VDAC1: variants seen among roughly 807,000 people sequenced by gnomAD.
VDAC1 encodes the protein voltage dependent anion channel 1.
In VDAC1, 10 loss-of-function variants were observed where a neutral mutation model predicts 34.7. The ratio of observed to expected loss-of-function variants is 0.29; its 90% CI spans 0.18 to 0.49. The LOEUF (loss-of-function observed/expected upper bound fraction) is 0.49. VDAC1 is among the 20% of genes least tolerant of loss of function. The pLI, the probability that VDAC1 is intolerant of heterozygous loss-of-function variation, is 0.99. For missense variants in VDAC1, 230 were observed against 347.9 expected (o/e 0.66, Z 2.69); for synonymous variants, 130 against 136.0 (o/e 0.96, Z 0.30).
At chr5:134,109,688 T>C in the VDAC1 span, among the ~76,000 whole-genome samples, 169 of 151,180 alleles carry the variant, frequency 1.1e-3, no homozygotes, top group African/African-American at 4.0e-3. Flanking sequence ...GAGAATTGCT[T>C]GAACCTGGGA....
intron 1 of VDAC1, among the ~76,000 whole-genome samples, chr5:134,000,269 T>TC (rs1753493736): frequency 6.6e-6 from 1 of 152,170 alleles, no homozygotes; most frequent in Admixed American, 6.5e-5. Context: ...GTTCTCTCCC[T>TC]CCATTCTTCC....
chr5:134,072,287 C>A, the VDAC1 span, among the ~76,000 whole-genome samples: 1 of 152,086 alleles, frequency 6.6e-6, no homozygotes, highest in Admixed American at 6.5e-5. Flanking sequence ...GAGGGTACCC[C>A]AAATATTACT....
At chr5:134,100,100 T>C in the VDAC1 span, among the ~76,000 whole-genome samples, 1 of 152,236 alleles carries the variant, frequency 6.6e-6, no homozygotes, top group Non-Finnish European at 1.5e-5. Context: ...GGATGCTTTT[T>C]ATTTGTTAAT....
chr5:134,032,277 G>A, the VDAC1 span, among the ~76,000 whole-genome samples: 4 of 152,104 alleles, frequency 2.6e-5, no homozygotes, highest in Non-Finnish European at 4.4e-5. Context: ...GACAAACCTT[G>A]GTTCTGGTCA....
the VDAC1 span, among the ~76,000 whole-genome samples, chr5:134,026,274 G>A: frequency 1.3e-5 from 2 of 152,100 alleles, no homozygotes; most frequent in Non-Finnish European, 1.5e-5. Context: ...TTGGGAGGCC[G>A]AGGTGGGCAG....
chr5:133,987,452 T>TG (rs1355911158), intron 5 of VDAC1, among the ~76,000 whole-genome samples: 1 of 151,974 alleles, frequency 6.6e-6, no homozygotes, highest in Non-Finnish European at 1.5e-5. Flanking sequence ...CTGAGACGGG[T>TG]GGATCGCTTG....
At chr5:134,110,493 C>T in the VDAC1 span, among the ~76,000 whole-genome samples, 6 of 152,334 alleles carry the variant, frequency 3.9e-5, no homozygotes, top group African/African-American at 9.6e-5. Flanking sequence ...TGGACACACA[C>T]GCCCCAACAA....
the VDAC1 span, among the ~76,000 whole-genome samples, chr5:134,052,995 A>G: frequency 3.3e-5 from 5 of 152,112 alleles, no homozygotes; most frequent in African/African-American, 1.2e-4. Context: ...CACGCCTGTA[A>G]TCCCAGCTAC....
At chr5:134,078,401 G>A in the VDAC1 span, among the ~76,000 whole-genome samples, 1 of 152,160 alleles carries the variant, frequency 6.6e-6, no homozygotes, top group African/African-American at 2.4e-5. Context: ...GCTGGGAGCA[G>A]GTGCCTATTC....
chr5:134,067,353 G>T, the VDAC1 span, among the ~76,000 whole-genome samples: 1 of 148,856 alleles, frequency 6.7e-6, no homozygotes, highest in African/African-American at 2.5e-5. Flanking sequence ...GGGATTACAG[G>T]TGTGAGCCAC....
the VDAC1 span, among the ~76,000 whole-genome samples, chr5:134,034,192 A>T: frequency 6.8e-6 from 1 of 147,046 alleles, no homozygotes; most frequent in South Asian, 2.2e-4. Flanking sequence ...AAAAAAAAAA[A>T]TAAAAAGAAC....
rs746928338 is a variant in VDAC1 at position 133,980,880 on chromosome 5, C to T, written c.400G>A (p.Ala134Thr). The change falls in exon 6 of 9, where the codon GCT becomes ACT. Residue 134 changes from alanine (A) to threonine (T), a missense_variant. Transcript: ENST00000265333. ...NLGCDMDFDI[A>T]GPSIRGALVL... ...AGAGCACCCCGGATGGAAGGCCCAGCAATGTCGAAATCCATGTCGCAGCCC... is the reference window on the plus strand; with the variant it reads ...AGAGCACCCCGGATGGAAGGCCCAGTAATGTCGAAATCCATGTCGCAGCCC... The T allele has an allele frequency of 5.6e-6, 9 of 1,613,962 alleles. No homozygotes were observed. In the East Asian group the frequency reaches 1.6e-4, roughly 28 times the overall value.
At chr5:134,095,522 A>AATC in the VDAC1 span, among the ~76,000 whole-genome samples, 43 of 150,936 alleles carry the variant, frequency 2.8e-4, 1 homozygote, top group East Asian at 2.5e-3. Context: ...ATAAATAAAT[A>AATC]AATCCAAGAG....
the VDAC1 span, among the ~76,000 whole-genome samples, chr5:134,019,931 TTCTC>T: frequency 3.9e-5 from 6 of 152,182 alleles, no homozygotes; most frequent in Admixed American, 1.3e-4. Flanking sequence ...AGGAACGACT[TTCTC>T]TCTGACATGG....
Position 133,980,809 on chromosome 5 carries a change from A to C in VDAC1, c.471T>G (p.Phe157Leu). 1 of 1,610,930 alleles carries C rather than the reference A, an allele frequency of 6.2e-7. No individual in the cohort carries two copies. The highest frequency in any genetic ancestry group is 8.5e-7 in the Non-Finnish European group (1 of 1,179,650). Residue 157 changes from phenylalanine (F) to leucine (L), a missense_variant, in exon 6 of 9, where the codon TTT becomes TTG. By Grantham distance (22) the Phe-to-Leu change is conservative. Transcript: ENST00000265333. ...EGWLAGYQMN[F>L]ETAKSRVTQS... is the part of the protein sequence containing the mutation. ...GGGTCACTCGGGATTTTGCAGTCTCAAAATTCATCTGGTAGCCGGCCAGCC... is the reference window on the plus strand; with the variant it reads ...GGGTCACTCGGGATTTTGCAGTCTCCAAATTCATCTGGTAGCCGGCCAGCC...
the VDAC1 span, among the ~76,000 whole-genome samples, chr5:134,082,826 G>A: frequency 1.3e-4 from 20 of 152,264 alleles, no homozygotes; most frequent in South Asian, 2.1e-4. Context: ...GACTAATGAC[G>A]TTGAGCATCT....
At chr5:133,988,965 C>T (rs147678202) in intron 5 of VDAC1, 1 of 152,342 alleles carries the variant, frequency 6.6e-6, no homozygotes, top group African/African-American at 2.4e-5. Context: ...TCATCCTATC[C>T]CAGGATCTTT....
chr5:134,017,193 G>A, the VDAC1 span, among the ~76,000 whole-genome samples: 1 of 152,152 alleles, frequency 6.6e-6, no homozygotes, highest in Non-Finnish European at 1.5e-5. Context: ...CAAGCCGGGC[G>A]CGGTGGCTCA....
At chr5:133,992,027 G>A (rs1323589292) in intron 3 of VDAC1, among the ~76,000 whole-genome samples, 9 of 152,074 alleles carry the variant, frequency 5.9e-5, no homozygotes, top group African/African-American at 9.6e-5. Context: ...ACCTGAAGTC[G>A]GGAGTTCAAG....
Sources: gnomAD v4.1 joint callset for allele counts (sites outside exome capture counted in the v4.1 genomes callset) on GRCh38, gnomAD v4.1.1 for gene constraint, MANE v1.5 for transcripts, NCBI Gene and HGNC (gene_info 2026-07-23, HGNC 2026-07-21) for gene names.